Variants in DDIAS observed in about 807,000 individuals in gnomAD.
DDIAS encodes DNA damage induced apoptosis suppressor, also known as DNA damage-induced apoptosis suppressor protein.
Under a neutral mutation model 15.7 loss-of-function variants are expected in DDIAS, and 14 were observed. The ratio of observed to expected loss-of-function variants is 0.89; its 90% CI spans 0.59 to 1.39. DDIAS has a LOEUF of 1.39. Ranked by LOEUF, DDIAS falls within the 40% of genes most tolerant of loss-of-function variation. The pLI, the probability that DDIAS is intolerant of heterozygous loss-of-function variation, is 0.00. For missense variants in DDIAS, 1,035 were observed against 1,130.9 expected (o/e 0.92, Z 1.22); for synonymous variants, 355 against 395.9 (o/e 0.90, Z 1.23).
chr11:82,926,886 T>C (rs927549292), intron 3 of DDIAS, among the ~76,000 whole-genome samples: 14 of 152,188 alleles, frequency 9.2e-5, no homozygotes, highest in Admixed American at 2.0e-4. Context: ...GTTTAATATG[T>C]AAATGCATGA....
chr11:82,913,529 GCCAC>G (rs1860565335), intron 2 of DDIAS, 143 bp downstream of exon 2: 18 of 287,046 alleles, frequency 6.3e-5, no homozygotes, highest in South Asian at 4.8e-4. Flanking sequence ...ACAGACATAA[GCCAC>G]CACACTTGGC....
intron 1 of DDIAS, among the ~76,000 whole-genome samples, chr11:82,903,707 C>A (rs993779928): frequency 2.0e-5 from 3 of 152,210 alleles, no homozygotes; most frequent in South Asian, 4.2e-4. Flanking sequence ...CAAGTATGTG[C>A]CATTGGAGGA....
Position 82,933,337 on chromosome 11 carries a change from A to T in DDIAS, c.1999A>T (p.Ile667Phe). The stretch of plus-strand genomic sequence containing the variant: ...TAACAACGTAACACAGAGCTATTCT[A>T]TTGGTTATGAAGGTAGCTATGATGC... Reference protein sequence around the residue: ...INNNVTQSYSIGYEGSYDASA... With the variant: ...INNNVTQSYSFGYEGSYDASA... Residue 667 changes from isoleucine (I) to phenylalanine (F), a missense_variant, in exon 6 of 6, where the codon ATT (isoleucine) becomes TTT (phenylalanine). Coordinates refer to ENST00000533655, the MANE Select transcript of DDIAS (RefSeq NM_145018.4). 1 of 1,614,054 alleles carries T rather than the reference A, an allele frequency of 6.2e-7. No homozygotes were observed. The highest frequency in any genetic ancestry group is 1.7e-4 in the Middle Eastern group (1 of 6,056).
intron 1 of DDIAS, among the ~76,000 whole-genome samples, chr11:82,905,810 A>G (rs1486024850): frequency 2.0e-5 from 3 of 152,204 alleles, no homozygotes; most frequent in Non-Finnish European, 4.4e-5. Flanking sequence ...ATAAATAAAT[A>G]TGTTCGCATA....
Position 82,913,286 on chromosome 11 carries a change from G to A in DDIAS, c.-116-1G>A, listed in dbSNP as rs1860561360. 1 of 153,070 alleles carries A rather than the reference G, an allele frequency of 6.5e-6. No individual in the cohort carries two copies. Among genetic ancestry groups the A allele is most frequent in the African/African-American group, 2.4e-5 (1 of 41,460 alleles). The allele number at this position is 153,070 out of a possible 1,614,324, so 9.5% of individuals were successfully genotyped here. A position where few individuals can be genotyped will look rare whatever the true frequency, so the allele number is the denominator to read the frequency against. On this transcript the variant is annotated splice_acceptor_variant, in intron 1 of 5. Coordinates refer to ENST00000533655, the MANE Select transcript of DDIAS (RefSeq NM_145018.4). LOFTEE classifies it low-confidence loss of function (5UTR_SPLICE). Reference sequence around the variant, plus strand: ...CTCTGATTTTGTTTATTTGGAGATAGGGTCTTGCTCTGTCACCCAGGCTGG... The same window carrying A: ...CTCTGATTTTGTTTATTTGGAGATAAGGTCTTGCTCTGTCACCCAGGCTGG...
At chr11:82,903,897 C>G (rs1384240438) in intron 1 of DDIAS, among the ~76,000 whole-genome samples, 2 of 152,164 alleles carry the variant, frequency 1.3e-5, no homozygotes, top group African/African-American at 4.8e-5. Flanking sequence ...GTCATACTTT[C>G]TTTTCTTTAT....
rs202019791 is a variant in DDIAS at position 82,933,182 on chromosome 11, G to A, written c.1844G>A (p.Cys615Tyr). The change falls in exon 6 of 6, where the codon TGT (cysteine) becomes TAT (tyrosine). Residue 615 changes from cysteine (C) to tyrosine (Y), a missense_variant. Cys to Tyr is a radical substitution (Grantham distance 194). Coordinates refer to ENST00000533655, the MANE Select transcript of DDIAS (RefSeq NM_145018.4). ...DLCKLENKQY[C>Y]RWSKNQDDSF... ...TGCAAATTAGAAAATAAACAATATTGTAGGTGGTCCAAGAACCAAGATGAC... is the reference window on the plus strand; with the variant it reads ...TGCAAATTAGAAAATAAACAATATTATAGGTGGTCCAAGAACCAAGATGAC... 4.3e-6 allele frequency: 7 copies of A among 1,612,406 alleles called. No individual in the cohort carries two copies. Among genetic ancestry groups the A allele is most frequent in the African/African-American group, 1.3e-5 (1 of 74,998 alleles).
At chr11:82,917,337 C>A (rs1860652872) in intron 3 of DDIAS, among the ~76,000 whole-genome samples, 1 of 145,976 alleles carries the variant, frequency 6.9e-6, no homozygotes, top group Admixed American at 6.8e-5. Context: ...TCCATTGTAT[C>A]ATTCTTATGC....
chr11:82,904,384 T>C (rs1375953024), intron 1 of DDIAS, among the ~76,000 whole-genome samples: 1 of 152,214 alleles, frequency 6.6e-6, no homozygotes, highest in African/African-American at 2.4e-5. Flanking sequence ...CGGTTTTTCA[T>C]AAATGATTAA....
At chr11:82,919,804 G>A (rs749525408) in intron 3 of DDIAS, among the ~76,000 whole-genome samples, 42 of 152,156 alleles carry the variant, frequency 2.8e-4, no homozygotes, top group Middle Eastern at 3.4e-3. Flanking sequence ...TGATCTCAGC[G>A]CACTGCAAGC....
At chr11:82,927,324 C>A (rs1860882715) in intron 3 of DDIAS, among the ~76,000 whole-genome samples, 1 of 152,274 alleles carries the variant, frequency 6.6e-6, no homozygotes, top group South Asian at 2.1e-4. Flanking sequence ...CATTCTATGG[C>A]TAACCTACAG....
intron 1 of DDIAS, among the ~76,000 whole-genome samples, chr11:82,907,884 C>T (rs973696681): frequency 4.6e-5 from 7 of 152,204 alleles, no homozygotes; most frequent in African/African-American, 1.2e-4. Flanking sequence ...GTACTGAGCA[C>T]TGTTCTAAGC....
chr11:82,933,169 A>C lies in DDIAS; in HGVS notation c.1831A>C (p.Asn611His). 1.9e-6 allele frequency: 3 copies of C among 1,611,582 alleles called. No homozygotes were observed. Among genetic ancestry groups the C allele is most frequent in the Non-Finnish European group, 2.5e-6 (3 of 1,179,832 alleles). ...TGTCTCTGATCTTTGCAAATTAGAA[A>C]ATAAACAATATTGTAGGTGGTCCAA... ...NDVSDLCKLE[N>H]KQYCRWSKNQ... Residue 611 changes from asparagine (N) to histidine (H), a missense_variant, in exon 6 of 6, where the codon AAT becomes CAT. Physicochemically the swap from Asn to His is moderately conservative, Grantham distance 68. Transcript: ENST00000533655.
At position 82,914,845 on chromosome 11, in the gene DDIAS, C is replaced by A; in HGVS notation, c.107C>A (p.Ser36Tyr). The change falls in exon 3 of 6, where the codon TCC becomes TAC. Residue 36 changes from serine to tyrosine, a missense_variant. By Grantham distance (144) the Ser-to-Tyr change is moderately radical. Transcript: ENST00000533655. ...TGCTTCTCTAGGATAATCCTGGTCT[C>A]CAAAAGGTAAAAGTAAAGTCTGTAA... ...QKCFSRIILV[S>Y]KRSNCPKCGS... 1 of 1,566,366 alleles carries A rather than the reference C, an allele frequency of 6.4e-7. No homozygotes were observed. The highest frequency in any genetic ancestry group is 1.1e-5 in the South Asian group (1 of 89,262).
At position 82,932,663 on chromosome 11, in the gene DDIAS, G is replaced by A. The variant is rs746448760; in HGVS notation, c.1325G>A (p.Ser442Asn). 3.1e-6 allele frequency: 5 copies of A among 1,613,918 alleles called. No homozygotes were observed. In the East Asian group the frequency reaches 8.9e-5, roughly 29 times the overall value. ...EIAVTQADVS[S>N]RKHHVDNDID... is the part of the protein sequence containing the mutation. Reference sequence around the variant, plus strand: ...GCTGTAACCCAGGCAGATGTCAGTAGTAGGAAACATCATGTAGATAATGAC... The same window carrying A: ...GCTGTAACCCAGGCAGATGTCAGTAATAGGAAACATCATGTAGATAATGAC... Residue 442 changes from serine (S) to asparagine (N), a missense_variant, in exon 6 of 6, where the codon AGT becomes AAT. By Grantham distance (46) the Ser-to-Asn change is conservative (BLOSUM62 1). Transcript: ENST00000533655.
At chr11:82,928,450 C>T (rs895872852) in intron 3 of DDIAS, among the ~76,000 whole-genome samples, 5 of 151,890 alleles carry the variant, frequency 3.3e-5, no homozygotes, top group African/African-American at 1.2e-4. Flanking sequence ...CCACCCGCCT[C>T]GGCCTCCCAA....
rs1861080136 is a variant in DDIAS at position 82,934,550 on chromosome 11, T to C, written c.*215T>C. The C allele has an allele frequency of 2.2e-6, 1 of 450,756 alleles. No individual in the cohort carries two copies. The highest frequency in any genetic ancestry group is 3.9e-6 in the Non-Finnish European group (1 of 259,532). The allele number at this position is 450,756 out of a possible 1,614,324, so 27.9% of individuals were successfully genotyped here. The stretch of plus-strand genomic sequence containing the variant: ...TATGATTAGGTAGTTGAGCACTTTA[T>C]CTTATACTGTTTATTGTACTTTAAT... On this transcript the variant is annotated 3_prime_UTR_variant, in exon 6 of 6. Transcript: ENST00000533655.
At chr11:82,909,597 C>G (rs1860487820) in intron 1 of DDIAS, among the ~76,000 whole-genome samples, 3 of 152,152 alleles carry the variant, frequency 2.0e-5, no homozygotes, top group African/African-American at 2.4e-5. Flanking sequence ...TTGACAGTTG[C>G]AATGGCAAGG....
Position 82,933,363 on chromosome 11 carries a change from C to G in DDIAS, c.2025C>G (p.Ala675=). 1 of 1,613,978 alleles carries G rather than the reference C, an allele frequency of 6.2e-7. No individual in the cohort carries two copies. The highest frequency in any genetic ancestry group is 1.1e-5 in the South Asian group (1 of 91,082). The change falls in exon 6 of 6, where the codon GCC becomes GCG. Residue 675 remains alanine, a synonymous_variant. Transcript: ENST00000533655. ...YSIGYEGSYD[A]SADLFDDIAK... ...TTGGTTATGAAGGTAGCTATGATGC[C>G]TCTGCTGATCTCTTTGATGATATTG...
Sources: allele counts gnomAD v4.1 joint callset (sites outside exome capture counted in the v4.1 genomes callset), GRCh38; gene constraint gnomAD v4.1.1; transcripts MANE v1.5; gene names NCBI Gene and HGNC (gene_info 2026-07-23, HGNC 2026-07-21).